The following PCDH15 variants were observed in gnomAD, a reference collection of about 807,000 sequenced individuals.
PCDH15 encodes the protein protocadherin related 15, also known as protocadherin-15.
Under a neutral mutation model 178.5 loss-of-function variants are expected in PCDH15, and 129 were observed. The ratio of observed to expected loss-of-function variants is 0.72; its 90% CI spans 0.63 to 0.84. The LOEUF (loss-of-function observed/expected upper bound fraction) is 0.84, where lower values mean the gene tolerates loss of function less well. Among genes scored for constraint, PCDH15 ranks in the 40% least tolerant of loss-of-function variants. PCDH15 has a pLI of 0.00. For missense variants in PCDH15, 2,230 were observed against 2,099.9 expected (o/e 1.06, Z -1.21); for synonymous variants, 800 against 732.0 (o/e 1.09, Z -1.50).
chr10:54,830,387 T>C (rs971437432), intron 3 of PCDH15, among the ~76,000 whole-genome samples: 1 of 152,126 alleles, frequency 6.6e-6, no homozygotes, highest in African/African-American at 2.4e-5. Flanking sequence ...ATATACACCA[T>C]GGAATACTAT....
intron 16 of PCDH15, 49 bp from the exon 17 acceptor site, chr10:54,079,473 A>G (rs769048397): frequency 6.6e-7 from 1 of 1,518,406 alleles, no homozygotes. Flanking sequence ...ATATTATGTC[A>G]CAAGGAGAGT....
chr10:54,248,390 G>C (rs929706879), intron 8 of PCDH15, among the ~76,000 whole-genome samples: 1 of 151,944 alleles, frequency 6.6e-6, no homozygotes, highest in Non-Finnish European at 1.5e-5. Context: ...TAACTTCAGT[G>C]AAATTATTTT....
At chr10:55,545,275 T>TA (rs1841854593) in intron 2 of PCDH15, among the ~76,000 whole-genome samples, 1 of 151,300 alleles carries the variant, frequency 6.6e-6, no homozygotes, top group Non-Finnish European at 1.5e-5. Context: ...CAGTTCCTTT[T>TA]TTTTTTTTTT....
chr10:54,735,250 T>C (rs1201786264), intron 1 of PCDH15, among the ~76,000 whole-genome samples: 1 of 152,076 alleles, frequency 6.6e-6, no homozygotes, highest in Non-Finnish European at 1.5e-5. Flanking sequence ...TTAATTCTAC[T>C]ATTTTATTAT....
intron 7 of PCDH15, among the ~76,000 whole-genome samples, chr10:54,325,179 G>A (rs1281757132): frequency 2.0e-5 from 3 of 151,794 alleles, no homozygotes; most frequent in African/African-American, 4.8e-5. Context: ...CCTTAATTAC[G>A]GATCATAACA....
rs7092448 is a variant in PCDH15 at position 54,215,816 on chromosome 10, C to T, written c.986-1768G>A. Among the ~76,000 whole-genome samples the T allele has an allele frequency of 8.0e-3, 1,214 of 151,332 alleles. 11 individuals carry two copies. The highest frequency in any genetic ancestry group is 0.026 in the African/African-American group (1,054 of 41,222). ...CGGCACTTTGGGAGGCCGAGACGGG[C>T]GGATCACGAGGTCAGGAGATCCAGA... On this transcript the variant is annotated intron_variant, in intron 9 of 37. Transcript: ENST00000644397.
intron 2 of PCDH15, among the ~76,000 whole-genome samples, chr10:55,581,716 G>A (rs1842618412): frequency 6.6e-6 from 1 of 152,106 alleles, no homozygotes; most frequent in African/African-American, 2.4e-5. Flanking sequence ...TTAGACAACT[G>A]TCTGAAGGAC....
intron 2 of PCDH15, among the ~76,000 whole-genome samples, chr10:54,648,395 T>C (rs961755496): frequency 2.6e-5 from 4 of 152,138 alleles, no homozygotes; most frequent in African/African-American, 9.7e-5. Context: ...CTTGTTGCTT[T>C]GGATTGTTAT....
At chr10:54,887,314 G>A (rs1424322300) in intron 3 of PCDH15, among the ~76,000 whole-genome samples, 1 of 152,134 alleles carries the variant, frequency 6.6e-6, no homozygotes, top group Non-Finnish European at 1.5e-5. Context: ...CCATGATGAA[G>A]AGATGCCTTT....
intron 2 of PCDH15, among the ~76,000 whole-genome samples, chr10:55,066,715 TATAA>T (rs1446671778): frequency 6.6e-6 from 1 of 150,986 alleles, no homozygotes; most frequent in African/African-American, 2.4e-5. Context: ...TATCACATTT[TATAA>T]ATATTGTTCC....
chr10:53,947,911 T>G (rs2134148290), intron 23 of PCDH15, among the ~76,000 whole-genome samples: 1 of 152,316 alleles, frequency 6.6e-6, no homozygotes, highest in Non-Finnish European at 1.5e-5. Context: ...AGGTGTTTGG[T>G]TTTTCCTTTG....
intron 14 of PCDH15, among the ~76,000 whole-genome samples, chr10:54,151,924 T>G (rs2044577770): frequency 6.6e-6 from 1 of 152,170 alleles, no homozygotes; most frequent in Non-Finnish European, 1.5e-5. Context: ...TATGTAAGCT[T>G]AATCATTAAA....
intron 29 of PCDH15, among the ~76,000 whole-genome samples, chr10:53,836,020 TAGAG>T (rs1243286734): frequency 1.3e-5 from 2 of 152,040 alleles, no homozygotes; most frequent in African/African-American, 4.8e-5. Context: ...CCGTAAGTAT[TAGAG>T]GGAGGAGGAG....
intron 15 of PCDH15, among the ~76,000 whole-genome samples, chr10:54,093,036 A>G (rs976480576): frequency 6.6e-6 from 1 of 152,128 alleles, no homozygotes; most frequent in African/African-American, 2.4e-5. Context: ...ATTATATCAG[A>G]TCTACTCTAA....
At chr10:54,269,414 C>A (rs2057906959) in intron 8 of PCDH15, among the ~76,000 whole-genome samples, 1 of 151,782 alleles carries the variant, frequency 6.6e-6, no homozygotes, top group Non-Finnish European at 1.5e-5. Context: ...CAATGATCTG[C>A]AAGGTGTTAA....
At chr10:54,782,266 C>T (rs371158408) in intron 1 of PCDH15, among the ~76,000 whole-genome samples, 134 of 152,132 alleles carry the variant, frequency 8.8e-4, no homozygotes, top group African/African-American at 2.7e-3. Context: ...TGCAGCTAGA[C>T]GTATTTAAGT....
intron 2 of PCDH15, among the ~76,000 whole-genome samples, chr10:55,119,681 T>C (rs775658623): frequency 6.6e-6 from 1 of 152,312 alleles, no homozygotes; most frequent in Admixed American, 6.5e-5. Context: ...ACAACACATA[T>C]GTCAAAGAAC....
At chr10:54,274,718 C>T (rs1048227572) in intron 8 of PCDH15, among the ~76,000 whole-genome samples, 1 of 150,646 alleles carries the variant, frequency 6.6e-6, no homozygotes, top group Non-Finnish European at 1.5e-5. Context: ...TCGTATTATG[C>T]AATTTTTTAT....
chr10:54,726,809 C>T, intron 1 of PCDH15, among the ~76,000 whole-genome samples: 1 of 150,370 alleles, frequency 6.7e-6, no homozygotes, highest in South Asian at 2.1e-4. Flanking sequence ...AATCTCAGAG[C>T]TCTAAGACTG....
Sources: gnomAD v4.1 joint callset for allele counts (sites outside exome capture counted in the v4.1 genomes callset) on GRCh38, gnomAD v4.1.1 for gene constraint, MANE v1.5 for transcripts, NCBI Gene and HGNC (gene_info 2026-07-23, HGNC 2026-07-21) for gene names.